The following DENND1A variants were observed in gnomAD, a reference collection of about 807,000 sequenced individuals.
DENND1A encodes the protein DENN domain-containing protein 1A.
Under a neutral mutation model 113.7 loss-of-function variants are expected in DENND1A, and 51 were observed. The ratio of observed to expected loss-of-function variants is 0.45; its 90% CI spans 0.36 to 0.57. The LOEUF (loss-of-function observed/expected upper bound fraction) is 0.57, where lower values mean the gene tolerates loss of function less well. Ranked by LOEUF, DENND1A falls within the 20% of genes least tolerant of loss-of-function variation. The pLI is 0.00. For missense variants in DENND1A, 1,258 were observed against 1,395.9 expected (o/e 0.90, Z 1.57); for synonymous variants, 565 against 570.8 (o/e 0.99, Z 0.14).
chr9:123,495,141 T>TCTCTCTCTCTCTCTC (rs2051763656), intron 13 of DENND1A, among the ~76,000 whole-genome samples: 12 of 140,560 alleles, frequency 8.5e-5, no homozygotes, highest in African/African-American at 3.4e-4. Context: ...CATTGTCTCT[T>TCTCTCTCTCTCTCTC]TCTCTCTCTC....
intron 2 of DENND1A, among the ~76,000 whole-genome samples, chr9:123,795,020 G>A (rs1285255421): frequency 6.6e-6 from 1 of 152,068 alleles, no homozygotes; most frequent in Non-Finnish European, 1.5e-5. Context: ...ACACAATAAC[G>A]TTCCAAGAGA....
chr9:123,922,490 C>T (rs1417952943), intron 1 of DENND1A, among the ~76,000 whole-genome samples: 3 of 152,306 alleles, frequency 2.0e-5, no homozygotes, highest in Admixed American at 1.3e-4. Flanking sequence ...CATATTCTCA[C>T]GTTCCAATGC....
At chr9:123,546,767 G>A (rs1227154574) in intron 13 of DENND1A, among the ~76,000 whole-genome samples, 1 of 152,166 alleles carries the variant, frequency 6.6e-6, no homozygotes, top group African/African-American at 2.4e-5. Context: ...AAGTAAGAAA[G>A]GAGCCAGGAT....
At position 123,645,130 on chromosome 9, in the gene DENND1A, T is replaced by C. The variant is rs148944979; in HGVS notation, c.618+6883A>G. Among the ~76,000 whole-genome samples the C allele has an allele frequency of 1.4e-3, 216 of 152,334 alleles. 1 individual carries two copies. Among genetic ancestry groups the C allele is most frequent in the African/African-American group, 5.0e-3 (206 of 41,590 alleles). ...AAACTTACATTTTTCTTATACAGAA[T>C]ATCACAATGTTATTGACCGAGAAAC... On this transcript the variant is annotated intron_variant, in intron 9 of 23. Transcript: ENST00000394215.
chr9:123,919,044 C>T (rs1855743647), intron 1 of DENND1A, among the ~76,000 whole-genome samples: 1 of 152,120 alleles, frequency 6.6e-6, no homozygotes, highest in African/African-American at 2.4e-5. Context: ...AAAAAATAAA[C>T]TGCATGGGGG....
rs529813037 is a variant in DENND1A at position 123,419,783 on chromosome 9, G to A, written c.1489-7954C>T. Among the ~76,000 whole-genome samples the A allele has an allele frequency of 4.8e-4, 73 of 152,358 alleles. 1 individual carries two copies. In the South Asian group the frequency reaches 0.015, roughly 31 times the overall value. On this transcript the variant is annotated intron_variant, in intron 19 of 23. Coordinates refer to ENST00000394215, the MANE Select transcript of DENND1A (RefSeq NM_001352964.2). ...GTGTCTCCTTTGAGATGCCCAAGAA[G>A]CTCTCTTGCAGGCACAGCTCTCACC... is the stretch of plus-strand genomic sequence containing the variant.
intron 13 of DENND1A, among the ~76,000 whole-genome samples, chr9:123,462,725 A>C (rs1331756553): frequency 6.6e-6 from 1 of 152,194 alleles, no homozygotes; most frequent in East Asian, 1.9e-4. Flanking sequence ...TGAACCCGGG[A>C]GGCGGAGGTT....
chr9:123,390,741 C>T (rs2042798090), intron 21 of DENND1A, among the ~76,000 whole-genome samples: 3 of 152,262 alleles, frequency 2.0e-5, no homozygotes, highest in Admixed American at 2.0e-4. Flanking sequence ...GGTCCACCCC[C>T]AGGGGCCTCA....
Position 123,381,908 on chromosome 9 carries a change from C to G in DENND1A, c.2737G>C (p.Ala913Pro). ...PPTLPLVSTP[A>P]GPFGAPPASL... ...GCTGGAGGGGCCCCGAAAGGCCCGGCTGGTGTGGAGACCAGGGGCAGGGTG... is the reference window on the plus strand; with the variant it reads ...GCTGGAGGGGCCCCGAAAGGCCCGGGTGGTGTGGAGACCAGGGGCAGGGTG... Residue 913 changes from alanine (A) to proline (P), a missense_variant, in exon 24 of 24, where the codon GCC (alanine) becomes CCC (proline). This residue lies in a region of DENND1A where 1,159 missense variants were observed against 1,231.7 expected (regional missense o/e 0.94). Transcript: ENST00000394215. The surrounding 1 kb of genome is among the most constrained non-coding windows in gnomAD (Gnocchi z 4.7). 1.4e-6 allele frequency: 1 copy of G among 713,350 alleles called. No homozygotes were observed. The highest frequency in any genetic ancestry group is 5.9e-5 in the Admixed American group (1 of 16,830). 44.2% of individuals were successfully genotyped at this position (713,350 alleles called of 1,614,324 possible).
intron 9 of DENND1A, among the ~76,000 whole-genome samples, chr9:123,639,804 CAA>C (rs1172087139): frequency 2.1e-5 from 3 of 141,314 alleles, no homozygotes; most frequent in Non-Finnish European, 4.7e-5. Context: ...AAAACAAAAA[CAA>C]AAAACAGCCA....
intron 13 of DENND1A, among the ~76,000 whole-genome samples, chr9:123,464,399 C>T (rs1653732321): frequency 6.6e-6 from 1 of 152,168 alleles, no homozygotes; most frequent in African/African-American, 2.4e-5. Context: ...GAATATTATT[C>T]AGCCCTAAAA....
At chr9:123,918,132 A>T (rs1227018248) in intron 1 of DENND1A, among the ~76,000 whole-genome samples, 1 of 150,840 alleles carries the variant, frequency 6.6e-6, no homozygotes. Context: ...TAAATAAATA[A>T]ATAAATAAAA....
chr9:123,491,188 C>A (rs147859506), intron 13 of DENND1A, among the ~76,000 whole-genome samples: 200 of 152,288 alleles, frequency 1.3e-3, no homozygotes, highest in African/African-American at 4.6e-3. Flanking sequence ...GGCATTTGGG[C>A]CCTTTTTAGA....
At chr9:123,552,029 G>GAC (rs1194314843) in intron 13 of DENND1A, among the ~76,000 whole-genome samples, 20 of 139,676 alleles carry the variant, frequency 1.4e-4, no homozygotes, top group African/African-American at 5.6e-4. Flanking sequence ...GAGAGAGAGA[G>GAC]AGAGAGAGAC....
chr9:123,585,973 G>A (rs1178717295), intron 11 of DENND1A, among the ~76,000 whole-genome samples: 1 of 152,116 alleles, frequency 6.6e-6, no homozygotes, highest in Non-Finnish European at 1.5e-5. Flanking sequence ...AATAGCCACA[G>A]CCAGTCTGGA....
chr9:123,605,111 C>T (rs2060097817), intron 11 of DENND1A, among the ~76,000 whole-genome samples: 1 of 152,206 alleles, frequency 6.6e-6, no homozygotes, highest in South Asian at 2.1e-4. Flanking sequence ...AACTGCTCTA[C>T]TTCACTGCCC....
At chr9:123,687,716 C>A (rs569140163) in intron 5 of DENND1A, among the ~76,000 whole-genome samples, 3 of 152,238 alleles carry the variant, frequency 2.0e-5, no homozygotes, top group African/African-American at 7.2e-5. Flanking sequence ...AAAATGAAAC[C>A]GAGGGGTTTT....
At chr9:123,468,576 C>G (rs769635362) in intron 13 of DENND1A, among the ~76,000 whole-genome samples, 3 of 152,208 alleles carry the variant, frequency 2.0e-5, no homozygotes, top group Non-Finnish European at 4.4e-5. Flanking sequence ...CTGCTGGGGC[C>G]TCAGCATCCC....
In DENND1A at chr9:123,414,261, C is replaced by T. The variant is rs766172038; in HGVS notation, c.1489-2432G>A. ...CGAGTGTCCTGTTAGGAAGATTCAA[C>T]GAGATGATGGACGTCAGGTTCTTTG... On this transcript the variant is annotated intron_variant, in intron 19 of 23. Transcript: ENST00000394215. 5.8e-5 allele frequency: 76 copies of T among 1,299,466 alleles called. No homozygotes were observed. In the Middle Eastern group the frequency reaches 1.2e-3, roughly 20 times the overall value. The allele number at this position is 1,299,466 out of a possible 1,614,324, so 80.5% of individuals were successfully genotyped here.
Sources: gnomAD v4.1 joint callset for allele counts (sites outside exome capture counted in the v4.1 genomes callset) on GRCh38, gnomAD v4.1.1 for gene constraint, gnomAD v4.1.1 regional missense constraint, Gnocchi (gnomAD v3.1) non-coding constraint, MANE v1.5 for transcripts, NCBI Gene and HGNC (gene_info 2026-07-23, HGNC 2026-07-21) for gene names.